Variants in GRID2 observed in about 807,000 individuals in gnomAD.
The protein encoded by GRID2 is glutamate receptor ionotropic, delta-2.
Under a neutral mutation model 114.8 loss-of-function variants are expected in GRID2, and 33 were observed. The observed-to-expected ratio is 0.29, with a 90% confidence interval of 0.22 to 0.38. The LOEUF (loss-of-function observed/expected upper bound fraction) is 0.38. Among genes scored for constraint, GRID2 ranks in the 10% least tolerant of loss-of-function variants. The pLI is 1.00. For synonymous variants in GRID2, 505 were observed against 449.9 expected, an observed-to-expected ratio of 1.12 and a Z score of -1.55; for missense variants, 1,184 against 1,257.7, an observed-to-expected ratio of 0.94 and a Z score of 0.89.
chr4:93,602,987 A>C (rs1205432364), intron 13 of GRID2, among the ~76,000 whole-genome samples: 1 of 152,210 alleles, frequency 6.6e-6, no homozygotes, highest in African/African-American at 2.4e-5. Flanking sequence ...AGGCGGGCAA[A>C]TCACCTGAGG....
intron 5 of GRID2, among the ~76,000 whole-genome samples, chr4:93,214,699 T>A (rs1352426594): frequency 6.6e-6 from 1 of 152,076 alleles, no homozygotes; most frequent in East Asian, 1.9e-4. Flanking sequence ...GAGAACTTCA[T>A]CTTTGGAAAC....
chr4:92,494,196 T>C (rs1723280806), intron 1 of GRID2, among the ~76,000 whole-genome samples: 1 of 152,070 alleles, frequency 6.6e-6, no homozygotes. Flanking sequence ...TGTGAACATA[T>C]ATTTGTGTCT....
intron 2 of GRID2, among the ~76,000 whole-genome samples, chr4:92,866,572 C>T (rs1315663340): frequency 6.6e-6 from 1 of 151,364 alleles, no homozygotes; most frequent in Non-Finnish European, 1.5e-5. Context: ...GAGATGGAGG[C>T]TCACTCTGTC....
At chr4:92,947,075 C>CAA (rs1185357915) in intron 2 of GRID2, among the ~76,000 whole-genome samples, 1 of 151,988 alleles carries the variant, frequency 6.6e-6, no homozygotes, top group Non-Finnish European at 1.5e-5. Flanking sequence ...AGGTAGTCAA[C>CAA]ATAAAAGAAA....
chr4:92,917,159 T>C (rs753736813), intron 2 of GRID2, among the ~76,000 whole-genome samples: 8 of 152,240 alleles, frequency 5.3e-5, no homozygotes, highest in East Asian at 1.9e-4. Context: ...AAATGTCTTC[T>C]TTTGAGAAGT....
intron 11 of GRID2, among the ~76,000 whole-genome samples, chr4:93,478,906 C>T (rs1006596804): frequency 6.6e-6 from 1 of 151,928 alleles, no homozygotes; most frequent in South Asian, 2.1e-4. Context: ...TGCTTATTTG[C>T]AAATAGACCT....
At chr4:92,573,090 A>T (rs546967100) in intron 1 of GRID2, among the ~76,000 whole-genome samples, 30 of 151,924 alleles carry the variant, frequency 2.0e-4, no homozygotes, top group African/African-American at 7.0e-4. Context: ...TTTCTTCTAG[A>T]TTGTCCAGTT....
At chr4:93,037,813 C>A (rs948402692) in intron 2 of GRID2, among the ~76,000 whole-genome samples, 1 of 152,080 alleles carries the variant, frequency 6.6e-6, no homozygotes, top group South Asian at 2.1e-4. Context: ...GTTTTGGTAC[C>A]AGTACCGTGC....
chr4:93,326,119 A>G (rs1757810154), intron 8 of GRID2, among the ~76,000 whole-genome samples: 1 of 152,172 alleles, frequency 6.6e-6, no homozygotes, highest in Non-Finnish European at 1.5e-5. Flanking sequence ...GGTTTAGTAG[A>G]GGAAATAGGA....
intron 14 of GRID2, among the ~76,000 whole-genome samples, chr4:93,700,673 G>A (rs555586810): frequency 1.2e-4 from 18 of 152,214 alleles, no homozygotes; most frequent in African/African-American, 4.3e-4. Flanking sequence ...TGAGGGTTCA[G>A]CACATCATCT....
chr4:92,457,614 A>C (rs1721281751), intron 1 of GRID2, among the ~76,000 whole-genome samples: 1 of 152,152 alleles, frequency 6.6e-6, no homozygotes, highest in Admixed American at 6.6e-5. Flanking sequence ...AATTTATTTA[A>C]AGTTGCATTC....
At chr4:92,750,595 A>C (rs1578142328) in intron 2 of GRID2, among the ~76,000 whole-genome samples, 1 of 152,166 alleles carries the variant, frequency 6.6e-6, no homozygotes, top group Non-Finnish European at 1.5e-5. Context: ...AGGCGACACT[A>C]TGGGGAATAG....
At chr4:92,966,169 G>C (rs529576281) in intron 2 of GRID2, among the ~76,000 whole-genome samples, 22 of 151,862 alleles carry the variant, frequency 1.4e-4, no homozygotes, top group African/African-American at 5.1e-4. Context: ...AAAGGGCAAG[G>C]CCTCTGCCCT....
intron 2 of GRID2, among the ~76,000 whole-genome samples, chr4:92,684,329 T>G (rs1338983081): frequency 2.0e-5 from 3 of 151,228 alleles, no homozygotes; most frequent in African/African-American, 7.3e-5. Context: ...ATTTCTTGGA[T>G]TTTTTTTTAC....
intron 1 of GRID2, among the ~76,000 whole-genome samples, chr4:92,467,315 G>A (rs1180348905): frequency 1.3e-5 from 2 of 151,850 alleles, no homozygotes; most frequent in Non-Finnish European, 2.9e-5. Context: ...TATATATTAT[G>A]TATTATTACA....
chr4:92,652,830 T>C (rs938332708), intron 2 of GRID2, among the ~76,000 whole-genome samples: 14 of 137,150 alleles, frequency 1.0e-4, no homozygotes, highest in African/African-American at 3.2e-4. Flanking sequence ...TATAAATATA[T>C]ATAAATTTAT....
chr4:92,315,016 A>T (rs916617290), intron 1 of GRID2, among the ~76,000 whole-genome samples: 3 of 152,138 alleles, frequency 2.0e-5, no homozygotes, highest in Non-Finnish European at 4.4e-5. Context: ...ATTTTCAGTC[A>T]TAGGTGGACA....
At chr4:93,147,810 G>A (rs982042418) in intron 4 of GRID2, among the ~76,000 whole-genome samples, 15 of 152,276 alleles carry the variant, frequency 9.9e-5, no homozygotes, top group Non-Finnish European at 1.2e-4. Flanking sequence ...CTTATGATCT[G>A]AAACACTGGG....
intron 13 of GRID2, among the ~76,000 whole-genome samples, chr4:93,545,040 C>G (rs1465862358): frequency 6.6e-6 from 1 of 151,542 alleles, no homozygotes; most frequent in Non-Finnish European, 1.5e-5. Context: ...CTTTATAACT[C>G]TACCATCCAT....
Sources: allele counts gnomAD v4.1 joint callset (sites outside exome capture counted in the v4.1 genomes callset), GRCh38; gene constraint gnomAD v4.1.1; transcripts MANE v1.5; gene names NCBI Gene and HGNC (gene_info 2026-07-23, HGNC 2026-07-21).